The following DMD variants were observed in gnomAD, a reference collection of about 807,000 sequenced individuals.
The protein encoded by DMD is dystrophin, also known as mutant dystrophin.
In DMD, 63 loss-of-function variants were observed where a neutral mutation model predicts 330.1. The observed-to-expected ratio is 0.19, with a 90% CI of 0.16 to 0.24. The LOEUF is 0.24. Ranked by LOEUF, DMD falls within the 10% of genes least tolerant of loss-of-function variation. DMD has a pLI of 1.00. For missense variants in DMD, 3,344 were observed against 2,684.1 expected (o/e 1.25, Z -5.43); for synonymous variants, 1,223 against 959.8 (o/e 1.27, Z -5.07).
intron 44 of DMD, among the ~76,000 whole-genome samples, chrX:32,027,502 C>T (rs1404467517): frequency 3.6e-5 from 4 of 111,050 alleles, no homozygotes; most frequent in Non-Finnish European, 7.5e-5. Flanking sequence ...TTCTCATTAT[C>T]AGCATGAAAT....
chrX:32,733,953 C>T (rs1387398792), intron 7 of DMD, among the ~76,000 whole-genome samples: 44 of 105,351 alleles, frequency 4.2e-4, no homozygotes, highest in African/African-American at 1.5e-3. Flanking sequence ...AAAAACCCTT[C>T]AAAAAATTAA....
chrX:32,204,976 A>ATCTCTCTCTCGCTCTC (rs2097057689), intron 44 of DMD, among the ~76,000 whole-genome samples: 1 of 45,322 alleles, frequency 2.2e-5, no homozygotes, highest in African/African-American at 7.7e-5. Context: ...CATCCAAGCC[A>ATCTCTCTCTCGCTCTC]TCTCTCTCTC....
chrX:32,276,870 A>T (rs1157336919), intron 43 of DMD, among the ~76,000 whole-genome samples: 1 of 110,619 alleles, frequency 9.0e-6, no homozygotes, highest in Non-Finnish European at 1.9e-5. Context: ...CAGCGAACTG[A>T]GATCCTGTCA....
intron 44 of DMD, among the ~76,000 whole-genome samples, chrX:32,129,717 GA>G (rs2096679806): frequency 4.0e-5 from 2 of 49,882 alleles, no homozygotes. Flanking sequence ...GAGAGAGAGA[GA>G]GAGAGGGAGG....
chrX:32,883,823 C>CAAAAAAAAAAAAAAAAAAAA (rs56150142), intron 2 of DMD, among the ~76,000 whole-genome samples: 1 of 30,352 alleles, frequency 3.3e-5, no homozygotes, highest in Admixed American at 5.4e-4. Context: ...GACTCTGTTT[C>CAAAAAAAAAAAAAAAAAAAA]AAAAAAAAAA....
At chrX:32,408,069 C>T (rs926377736) in intron 30 of DMD, among the ~76,000 whole-genome samples, 3 of 109,883 alleles carry the variant, frequency 2.7e-5, no homozygotes, top group Non-Finnish European at 5.7e-5. Flanking sequence ...CACATGTATA[C>T]ATATGCAACT....
chrX:32,252,899 A>G (rs1227814422), intron 43 of DMD, among the ~76,000 whole-genome samples: 1 of 82,042 alleles, frequency 1.2e-5, no homozygotes, highest in Non-Finnish European at 2.2e-5. Flanking sequence ...AATATATATA[A>G]ATATATACAT....
intron 9 of DMD, among the ~76,000 whole-genome samples, chrX:32,678,499 CGTGTGT>C (rs760244852): frequency 9.4e-6 from 1 of 106,064 alleles, no homozygotes; most frequent in Non-Finnish European, 2.0e-5. Flanking sequence ...TTTGCGTGTC[CGTGTGT>C]GTGTGTGTGT....
chrX:31,581,798 A>G (rs928591535), intron 55 of DMD, among the ~76,000 whole-genome samples: 7 of 112,343 alleles, frequency 6.2e-5, no homozygotes, highest in African/African-American at 2.3e-4. Context: ...ATGAATATGT[A>G]ATAAATCAAG....
At chrX:32,401,758 T>C (rs778425564) in intron 30 of DMD, among the ~76,000 whole-genome samples, 2 of 112,781 alleles carry the variant, frequency 1.8e-5, no homozygotes, top group African/African-American at 6.4e-5. Flanking sequence ...CTTAAGGTGA[T>C]AGACACCCCA....
intron 44 of DMD, among the ~76,000 whole-genome samples, chrX:32,170,528 T>C (rs1486511864): frequency 9.2e-6 from 1 of 108,646 alleles, no homozygotes; most frequent in Non-Finnish European, 1.9e-5. Context: ...TGGTAGCTTA[T>C]TTTTACCTAA....
At chrX:32,706,292 G>C (rs2064643790) in intron 7 of DMD, among the ~76,000 whole-genome samples, 1 of 105,494 alleles carries the variant, frequency 9.5e-6, no homozygotes, top group Admixed American at 1.0e-4. Context: ...GAAATGACGA[G>C]TTAATGGGTG....
At chrX:31,888,677 G>A (rs752360250) in intron 47 of DMD, among the ~76,000 whole-genome samples, 4 of 111,650 alleles carry the variant, frequency 3.6e-5, no homozygotes, top group Admixed American at 9.5e-5. Flanking sequence ...AACTGGTCTC[G>A]TGGTAAAATA....
At position 32,821,579 on chromosome X, in the gene DMD, C is replaced by T. The variant is rs753835162; in HGVS notation, c.357+1716G>A. ...CTCCAGCCTGGGCGACAGAGCAAGACTCTGTCTCAAAATAAAAATAAAAAA... is the reference window on the plus strand; with the variant it reads ...CTCCAGCCTGGGCGACAGAGCAAGATTCTGTCTCAAAATAAAAATAAAAAA... On this transcript the variant is annotated intron_variant, in intron 5 of 78. Coordinates refer to ENST00000357033, the MANE Select transcript of DMD (RefSeq NM_004006.3). Among the ~76,000 whole-genome samples the T allele has an allele frequency of 4.6e-5, 5 of 108,446 alleles. No homozygotes were observed. In the East Asian group the frequency reaches 1.2e-3, roughly 25 times the overall value. 94.2% of individuals were successfully genotyped at this position (108,446 alleles called of 115,157 possible).
intron 41 of DMD, among the ~76,000 whole-genome samples, chrX:32,338,152 A>T (rs2097724288): frequency 9.0e-6 from 1 of 111,411 alleles, no homozygotes; most frequent in Admixed American, 9.6e-5. Flanking sequence ...GTTGATGAAA[A>T]GTCTTCAGTC....
At chrX:33,163,441 C>T (rs1249652292) in intron 1 of DMD, among the ~76,000 whole-genome samples, 1 of 108,558 alleles carries the variant, frequency 9.2e-6, no homozygotes, top group Non-Finnish European at 1.9e-5. Context: ...GAGGCTGAAG[C>T]AGGAGAATCG....
chrX:31,206,499 G>T (rs937364784), intron 66 of DMD, 83 bp downstream of exon 66: 2 of 841,562 alleles, frequency 2.4e-6, no homozygotes, highest in African/African-American at 2.0e-5. Context: ...TGTCAAATAA[G>T]AACAGTCTGT....
At position 32,539,518 on chromosome X, in the gene DMD, TAA is replaced by T. The variant is rs3073877; in HGVS notation, c.2168+5639_2168+5640del. 2.5e-3 allele frequency among the ~76,000 whole-genome samples: 269 copies of T among 105,716 alleles called. 4 individuals are homozygous for T. The East Asian group carries it at 0.071, about 28-fold the overall frequency. 91.8% of individuals were successfully genotyped at this position (105,716 alleles called of 115,157 possible). A position where few individuals can be genotyped will look rare whatever the true frequency, so the allele number is the denominator to read the frequency against. The stretch of plus-strand genomic sequence containing the variant: ...AGGATCAATTTATCATATAGAACAT[TAA>T]AAAAAAAAAGTTCACGGACACATTA... On this transcript the variant is annotated intron_variant, in intron 17 of 78. Coordinates refer to ENST00000357033, the MANE Select transcript of DMD (RefSeq NM_004006.3).
At chrX:31,701,227 C>T (rs1204156964) in intron 52 of DMD, among the ~76,000 whole-genome samples, 2 of 112,088 alleles carry the variant, frequency 1.8e-5, no homozygotes, top group Non-Finnish European at 3.8e-5. Context: ...TTCATATCTA[C>T]ACCTTGCCAC....
Sources: allele counts gnomAD v4.1 joint callset (sites outside exome capture counted in the v4.1 genomes callset), GRCh38; gene constraint gnomAD v4.1.1; transcripts MANE v1.5; gene names NCBI Gene and HGNC (gene_info 2026-07-23, HGNC 2026-07-21).